PIGF: variants seen among roughly 807,000 people sequenced by gnomAD.
PIGF encodes the protein GPI ethanolamine phosphate transferase, stabilizing subunit.
PIGF carries 23 observed loss-of-function variants against 26.0 expected under a neutral mutation model. That is an observed-to-expected ratio of 0.88 (90% confidence interval 0.64 to 1.25). PIGF has a LOEUF of 1.25. Among genes scored for constraint, PIGF ranks in the 50% most tolerant of loss-of-function variants. The pLI is 0.00. For synonymous variants in PIGF, 93 were observed against 92.6 expected (o/e 1.00, Z -0.03); for missense variants, 278 against 249.9 (o/e 1.11, Z -0.76).
intron 5 of PIGF, chr2:46,591,992 C>A: frequency 7.8e-7 from 1 of 1,290,224 alleles, no homozygotes; most frequent in South Asian, 1.3e-5. Flanking sequence ...AATATAAGAC[C>A]ACAAGGGCAA....
rs180861269 is a variant in PIGF at position 46,589,949 on chromosome 2, G to C, written c.546+2526C>G. 6.6e-6 allele frequency among the ~76,000 whole-genome samples: 1 copy of C among 151,978 alleles called. No homozygotes were observed. The highest frequency in any genetic ancestry group is 2.4e-5 in the African/African-American group (1 of 41,414). ...GGCAAGGAGCAGATGAGTGCTATAT[G>C]AATAAAAGATTTTTAATTATACATC... On this transcript the variant is annotated intron_variant, in intron 5 of 5. Coordinates refer to ENST00000281382, the MANE Select transcript of PIGF (RefSeq NM_002643.4). The surrounding 1 kb of genome is among the most constrained non-coding windows in gnomAD (Gnocchi z 4.7).
At chr2:46,594,070 CTATAAA>C (rs1214563646) in intron 4 of PIGF, among the ~76,000 whole-genome samples, 2 of 152,158 alleles carry the variant, frequency 1.3e-5, no homozygotes, top group African/African-American at 2.4e-5. Context: ...CATGTAACAC[CTATAAA>C]TATAAGTCAG....
chr2:46,615,290 C>G, intron 1 of PIGF, 105 bp from the exon 2 acceptor site: 1 of 602,126 alleles, frequency 1.7e-6, no homozygotes, highest in Non-Finnish European at 3.0e-6. Flanking sequence ...TTTCTATGAG[C>G]AATGTATTTG....
chr2:46,612,339 G>A lies in PIGF; in HGVS notation c.326C>T (p.Ala109Val), dbSNP rs779455973. The A allele has an allele frequency of 1.6e-6, 2 of 1,243,242 alleles. No individual in the cohort carries two copies. Among genetic ancestry groups the A allele is most frequent in the Non-Finnish European group, 2.2e-6 (2 of 901,022 alleles). The allele number at this position is 1,243,242 out of a possible 1,614,324, so 77.0% of individuals were successfully genotyped here. The change falls in exon 4 of 6, where the codon GCA becomes GTA. Residue 109 changes from alanine (A) to valine (V), a missense_variant. By Grantham distance (64) the Ala-to-Val change is moderately conservative. Coordinates refer to ENST00000281382, the MANE Select transcript of PIGF (RefSeq NM_002643.4). ...VLYGAPLIEL[A>V]LETFLFAVIL... ...AACTGCAAATAAAAATGTTTCCAAT[G>A]CCAACCTAGAAAAAAAAAAAGATTA...
At chr2:46,593,225 C>T (rs1669779494) in intron 4 of PIGF, among the ~76,000 whole-genome samples, 3 of 151,758 alleles carry the variant, frequency 2.0e-5, no homozygotes, top group South Asian at 4.2e-4. Flanking sequence ...CTCAGCCTCC[C>T]GGGTTCAAGC....
intron 3 of PIGF, 123 bp downstream of exon 3, chr2:46,613,571 G>A: frequency 1.6e-6 from 1 of 624,230 alleles, no homozygotes; most frequent in Non-Finnish European, 2.7e-6. Flanking sequence ...AATGATGTTG[G>A]TGTCCTTACT....
At chr2:46,615,493 C>CT in intron 1 of PIGF, 1 of 190,050 alleles carries the variant, frequency 5.3e-6, no homozygotes, top group Non-Finnish European at 1.1e-5. Flanking sequence ...TTCATTTAAA[C>CT]TTTTTTGGCC....
chr2:46,592,607 C>T (rs781624189), intron 4 of PIGF, 24 bp from the exon 5 acceptor site: 7 of 1,206,656 alleles, frequency 5.8e-6, no homozygotes, highest in South Asian at 4.8e-5. Flanking sequence ...ATTGGTACAT[C>T]GTTGGTGGTA....
rs536609761 is a variant in PIGF, at chr2:46,588,989, A to G, written c.546+3486T>C. On this transcript the variant is annotated intron_variant, in intron 5 of 5. Transcript: ENST00000281382. The surrounding 1 kb of genome is among the most constrained non-coding windows in gnomAD (Gnocchi z 4.1). ...AGTCCAAATATTTATTTTGTCAGCA[A>G]CTATAAGCTTTCTCTAGAAGTTGAA... 1.2e-3 allele frequency among the ~76,000 whole-genome samples: 186 copies of G among 152,294 alleles called. No individual in the cohort carries two copies. The highest frequency in any genetic ancestry group is 4.2e-3 in the African/African-American group (174 of 41,588).
intron 2 of PIGF, chr2:46,614,706 T>C (rs1208334640): frequency 2.5e-6 from 1 of 397,998 alleles, no homozygotes; most frequent in Non-Finnish European, 4.6e-6. Flanking sequence ...CTCACAATAT[T>C]ATAATATGCT....
chr2:46,615,394 T>C (rs1670584351), intron 1 of PIGF: 1 of 376,534 alleles, frequency 2.7e-6, no homozygotes, highest in Non-Finnish European at 4.9e-6. Flanking sequence ...CAAACATCTC[T>C]CAGAGCCTAA....
At chr2:46,609,627 G>A (rs1670340963) in intron 4 of PIGF, among the ~76,000 whole-genome samples, 2 of 152,000 alleles carry the variant, frequency 1.3e-5, no homozygotes, top group African/African-American at 4.8e-5. Flanking sequence ...GAACACTTAA[G>A]AGACCATAGT....
rs762336744 is a variant in PIGF, at chr2:46,605,380, CT to C, written c.437+6847del. 6.4e-4 allele frequency among the ~76,000 whole-genome samples: 98 copies of C among 152,178 alleles called. 1 individual carries two copies. The highest frequency in any genetic ancestry group is 3.4e-3 in the Middle Eastern group (1 of 294). ...ATTAAATTAAATGAAAAAACCAGCC[CT>C]CCTCCATAGTTATCTATGCACTGTG... On this transcript the variant is annotated intron_variant, in intron 4 of 5. Transcript: ENST00000281382.
At chr2:46,591,374 G>C (rs1163235560) in intron 5 of PIGF, 1 of 244,086 alleles carries the variant, frequency 4.1e-6, no homozygotes, top group Non-Finnish European at 6.6e-6. Context: ...GGTTGGGGAG[G>C]AAAGTAATTT....
At chr2:46,604,126 T>G (rs186262777) in intron 4 of PIGF, among the ~76,000 whole-genome samples, 33 of 152,216 alleles carry the variant, frequency 2.2e-4, no homozygotes, top group African/African-American at 7.7e-4. Context: ...TCAATATCAC[T>G]GGTCGTCAGA....
At position 46,601,952 on chromosome 2, in the gene PIGF, A is replaced by G. The variant is rs185840159; in HGVS notation, c.438-9369T>C. On this transcript the variant is annotated intron_variant, in intron 4 of 5. Transcript: ENST00000281382. ...TTCAAATAACAGCATAAAAGAACTG[A>G]TATGTCAAAAAACAAGTTTCAATGA... Among the ~76,000 whole-genome samples, 30 of 152,114 alleles carry G rather than the reference A, an allele frequency of 2.0e-4. 1 individual carries two copies. The highest frequency in any genetic ancestry group is 7.0e-4 in the African/African-American group (29 of 41,566).
intron 3 of PIGF, 87 bp downstream of exon 3, chr2:46,613,607 G>T (rs1203268507): frequency 1.1e-6 from 1 of 931,092 alleles, no homozygotes; most frequent in Non-Finnish European, 1.6e-6. Flanking sequence ...GCACATCATG[G>T]TTTTTCTCTA....
intron 4 of PIGF, among the ~76,000 whole-genome samples, chr2:46,600,337 AG>A (rs1670018271): frequency 6.6e-6 from 1 of 152,216 alleles, no homozygotes. Context: ...CCTTTGATCT[AG>A]GAATGTTACT....
chr2:46,604,396 G>A (rs1340401930), intron 4 of PIGF, among the ~76,000 whole-genome samples: 1 of 151,818 alleles, frequency 6.6e-6, no homozygotes, highest in Admixed American at 6.6e-5. Flanking sequence ...TGAAGAGATA[G>A]CTGGACTCCC....
Sources: allele counts gnomAD v4.1 joint callset (sites outside exome capture counted in the v4.1 genomes callset), GRCh38; gene constraint gnomAD v4.1.1; non-coding constraint Gnocchi (gnomAD v3.1); transcripts MANE v1.5; gene names NCBI Gene and HGNC (gene_info 2026-07-23, HGNC 2026-07-21).